FSTL5: variants seen among roughly 807,000 people sequenced by gnomAD.
FSTL5 encodes the protein follistatin like 5, also known as follistatin-related protein 5.
Under a neutral mutation model 89.1 loss-of-function variants are expected in FSTL5, and 62 were observed. The observed-to-expected ratio is 0.70, with a 90% CI of 0.57 to 0.86. The LOEUF (loss-of-function observed/expected upper bound fraction) is 0.86, where lower values mean the gene tolerates loss of function less well. FSTL5 is among the 40% of genes least tolerant of loss of function. The pLI, the probability that FSTL5 is intolerant of heterozygous loss-of-function variation, is 0.00. For missense variants in FSTL5, 1,057 were observed against 1,001.6 expected, an observed-to-expected ratio of 1.06 and a Z score of -0.75; for synonymous variants, 383 against 346.2, an observed-to-expected ratio of 1.11 and a Z score of -1.18.
chr4:161,765,918 C>T (rs1005136512), intron 5 of FSTL5, among the ~76,000 whole-genome samples: 5 of 152,030 alleles, frequency 3.3e-5, no homozygotes, highest in Middle Eastern at 3.4e-3. Context: ...CCTCAGCCTC[C>T]CCAGTCGCTG....
chr4:161,905,649 G>C (rs1334012636), intron 4 of FSTL5, among the ~76,000 whole-genome samples: 3 of 152,114 alleles, frequency 2.0e-5, no homozygotes, highest in Admixed American at 2.0e-4. Flanking sequence ...GATGTTCAAA[G>C]CTAAGGAAAC....
At chr4:161,793,652 A>G (rs556004318) in intron 4 of FSTL5, among the ~76,000 whole-genome samples, 44 of 150,576 alleles carry the variant, frequency 2.9e-4, no homozygotes, top group African/African-American at 1.1e-3. Context: ...TCTGTTGCCC[A>G]TGCTAGAGTG....
intron 3 of FSTL5, among the ~76,000 whole-genome samples, chr4:162,001,247 G>T (rs1210710194): frequency 6.6e-6 from 1 of 152,012 alleles, no homozygotes; most frequent in African/African-American, 2.4e-5. Flanking sequence ...TTCTTATAAG[G>T]TAATTGATAT....
chr4:161,904,183 A>AG (rs1733456709), intron 4 of FSTL5, among the ~76,000 whole-genome samples: 1 of 152,088 alleles, frequency 6.6e-6, no homozygotes, highest in Admixed American at 6.5e-5. Flanking sequence ...GCAAAAAAAA[A>AG]GAGAAAAAAA....
chr4:161,563,853 C>G (rs548500417), intron 8 of FSTL5, among the ~76,000 whole-genome samples: 2 of 151,858 alleles, frequency 1.3e-5, no homozygotes, highest in Admixed American at 1.3e-4. Context: ...AAGTGCCAAC[C>G]TGTTTTGAAA....
chr4:161,642,868 T>C (rs533112596), intron 7 of FSTL5, among the ~76,000 whole-genome samples: 14 of 152,278 alleles, frequency 9.2e-5, no homozygotes, highest in Admixed American at 8.5e-4. Context: ...ATTACGGAGA[T>C]GAATGTTGGA....
chr4:161,806,668 T>C (rs1279759518), intron 4 of FSTL5, among the ~76,000 whole-genome samples: 1 of 152,086 alleles, frequency 6.6e-6, no homozygotes, highest in Non-Finnish European at 1.5e-5. Flanking sequence ...GGAAATAAAT[T>C]ATGCTTTTTG....
chr4:161,564,779 C>T lies in FSTL5; in HGVS notation c.1016-22086G>A, dbSNP rs538000527. On this transcript the variant is annotated intron_variant, in intron 8 of 15. Transcript: ENST00000306100. The stretch of plus-strand genomic sequence containing the variant: ...GCATTTGTAGGGGAGATGCCTATTG[C>T]GGGTGTCAGGAGTGGTGTTATCACT... 1.1e-4 allele frequency among the ~76,000 whole-genome samples: 16 copies of T among 151,624 alleles called. No homozygotes were observed. The South Asian group carries it at 3.1e-3, about 30-fold the overall frequency.
chr4:162,111,453 T>C, intron 1 of FSTL5, 41 bp from the exon 2 acceptor site: 1 of 1,438,688 alleles, frequency 7.0e-7, no homozygotes, highest in South Asian at 1.3e-5. Context: ...GAAAATGAAT[T>C]ATATATTAAA....
intron 15 of FSTL5, chr4:161,388,338 G>T (rs1730714012): frequency 6.6e-6 from 1 of 152,082 alleles, no homozygotes; most frequent in Admixed American, 6.5e-5. Flanking sequence ...CATTCATACT[G>T]TTGATAATTA....
chr4:161,393,712 G>A (rs1730900864), intron 15 of FSTL5, among the ~76,000 whole-genome samples: 1 of 152,136 alleles, frequency 6.6e-6, no homozygotes, highest in Non-Finnish European at 1.5e-5. Flanking sequence ...TATGAGGAGA[G>A]TAACAATGAA....
chr4:161,713,407 G>C (rs938403127), intron 6 of FSTL5, among the ~76,000 whole-genome samples: 1 of 152,172 alleles, frequency 6.6e-6, no homozygotes, highest in Admixed American at 6.5e-5. Flanking sequence ...GTAGGAAAAA[G>C]TTGGGTAACA....
At chr4:162,133,742 T>C (rs1163243097) in intron 1 of FSTL5, among the ~76,000 whole-genome samples, 3 of 152,218 alleles carry the variant, frequency 2.0e-5, no homozygotes, top group Non-Finnish European at 2.9e-5. Flanking sequence ...GCCATAAAAT[T>C]ATGCTTCAAT....
rs190180975 is a variant in FSTL5, at chr4:161,920,601, C to T, written c.212G>A (p.Gly71Asp). Residue 71 changes from glycine to aspartate, a missense_variant, in exon 4 of 16, where the codon GGT becomes GAT. Coordinates refer to ENST00000306100, the MANE Select transcript of FSTL5 (RefSeq NM_020116.5). Reference protein sequence around the residue: ...PFGSCENKYCGLGRHCVTSRE... With the variant: ...PFGSCENKYCDLGRHCVTSRE... ...GCTGGTAACACAGTGTCTTCCCAAA[C>T]CACAGTACTTATTTTCACAAGATCC... The T allele has an allele frequency of 6.2e-7, 1 of 1,613,638 alleles. No homozygotes were observed. The highest frequency in any genetic ancestry group is 1.3e-5 in the African/African-American group (1 of 74,806).
chr4:162,157,264 T>G (rs537718832), intron 1 of FSTL5, among the ~76,000 whole-genome samples: 1 of 152,230 alleles, frequency 6.6e-6, no homozygotes, highest in East Asian at 1.9e-4. Flanking sequence ...TATTTATAAA[T>G]TTTTAGACCA....
At chr4:161,387,906 T>C (rs1288375974) in intron 15 of FSTL5, 1 of 152,054 alleles carries the variant, frequency 6.6e-6, no homozygotes, top group African/African-American at 2.4e-5. Context: ...AAATTCACAG[T>C]GTATAGCTAC....
At chr4:161,827,866 C>A (rs557291973) in intron 4 of FSTL5, among the ~76,000 whole-genome samples, 1 of 152,246 alleles carries the variant, frequency 6.6e-6, no homozygotes, top group African/African-American at 2.4e-5. Context: ...ACCAGCCTCC[C>A]CACTGTGAAG....
intron 14 of FSTL5, among the ~76,000 whole-genome samples, chr4:161,455,585 A>G (rs535513982): frequency 6.6e-6 from 1 of 152,322 alleles, no homozygotes; most frequent in East Asian, 1.9e-4. Flanking sequence ...ACATAAAACC[A>G]TATTTTAAAA....
At chr4:162,036,288 C>A (rs541744857) in intron 2 of FSTL5, among the ~76,000 whole-genome samples, 5 of 152,224 alleles carry the variant, frequency 3.3e-5, no homozygotes, top group African/African-American at 1.2e-4. Flanking sequence ...CCTTCCCTTA[C>A]TTTCTTGACC....
Sources: gnomAD v4.1 joint callset for allele counts (sites outside exome capture counted in the v4.1 genomes callset) on GRCh38, gnomAD v4.1.1 for gene constraint, MANE v1.5 for transcripts, NCBI Gene and HGNC (gene_info 2026-07-23, HGNC 2026-07-21) for gene names.